Variants in RALGPS2 observed in about 807,000 individuals in gnomAD.
RALGPS2 encodes ras-specific guanine nucleotide-releasing factor RalGPS2.
A neutral mutation model predicts 86.8 loss-of-function variants in RALGPS2; 43 were observed. The observed-to-expected ratio is 0.50, with a 90% confidence interval of 0.39 to 0.64. The LOEUF is 0.64. Ranked by LOEUF, RALGPS2 falls within the 30% of genes least tolerant of loss-of-function variation. RALGPS2 has a pLI of 0.00. For missense variants in RALGPS2, 536 were observed against 694.6 expected (o/e 0.77, Z 2.57); for synonymous variants, 243 against 231.3 (o/e 1.05, Z -0.46).
At chr1:178,822,944 C>T (rs112117034) in intron 7 of RALGPS2, among the ~76,000 whole-genome samples, 3,774 of 152,236 alleles carry the variant, frequency 0.025, 153 homozygotes, top group African/African-American at 0.086. Flanking sequence ...CTCAGCCTCC[C>T]AAGTAACTGG....
chr1:178,889,026 G>GT (rs1659608856), intron 13 of RALGPS2, among the ~76,000 whole-genome samples: 1 of 151,816 alleles, frequency 6.6e-6, no homozygotes, highest in Admixed American at 6.6e-5. Context: ...ATTCCCCATA[G>GT]TTTTTTTGTT....
intron 14 of RALGPS2, 52 bp downstream of exon 14, chr1:178,889,748 A>C (rs750139366): frequency 7.8e-7 from 1 of 1,278,184 alleles, no homozygotes; most frequent in South Asian, 1.3e-5. Context: ...GTCTGGGTTA[A>C]ATAATATAAT....
intron 8 of RALGPS2, among the ~76,000 whole-genome samples, chr1:178,852,334 G>A (rs1657226358): frequency 6.6e-6 from 1 of 152,148 alleles, no homozygotes; most frequent in Non-Finnish European, 1.5e-5. Context: ...CGGGAACTTT[G>A]TTCACTGTTA....
At chr1:178,753,347 A>G (rs1651779642) in intron 1 of RALGPS2, among the ~76,000 whole-genome samples, 1 of 152,174 alleles carries the variant, frequency 6.6e-6, no homozygotes, top group Non-Finnish European at 1.5e-5. Flanking sequence ...GGGGTGGGAC[A>G]TGGGCCCTGA....
At position 178,765,440 on chromosome 1, in the gene RALGPS2, G is replaced by A. The variant is rs576022880; in HGVS notation, c.-83-11242G>A. ...ATTTTCAAAAGGGGAGGGAGTGTAC[G>A]AATAAGGTGTGGGTCACAGAGATCA... On this transcript the variant is annotated intron_variant, in intron 1 of 19. Transcript: ENST00000367635. Among the ~76,000 whole-genome samples, 50 of 152,220 alleles carry A rather than the reference G, an allele frequency of 3.3e-4. 1 individual carries two copies. The highest frequency in any genetic ancestry group is 4.8e-5 in the African/African-American group (2 of 41,548).
intron 4 of RALGPS2, among the ~76,000 whole-genome samples, chr1:178,804,222 C>T (rs1654621789): frequency 6.7e-6 from 1 of 150,350 alleles, no homozygotes; most frequent in African/African-American, 2.4e-5. Context: ...CCTGGAGCTC[C>T]ACTCCCACCC....
chr1:178,873,567 T>C (rs1658863915), intron 8 of RALGPS2, among the ~76,000 whole-genome samples: 1 of 152,208 alleles, frequency 6.6e-6, no homozygotes, highest in Non-Finnish European at 1.5e-5. Flanking sequence ...TGAATATTAA[T>C]ATACTTTAGC....
chr1:178,829,161 A>G (rs1192325036), intron 7 of RALGPS2, among the ~76,000 whole-genome samples: 1 of 152,248 alleles, frequency 6.6e-6, no homozygotes, highest in East Asian at 1.9e-4. Flanking sequence ...CAGAAAGACA[A>G]ATGCTACTGC....
intron 7 of RALGPS2, among the ~76,000 whole-genome samples, chr1:178,825,158 A>G (rs1038511596): frequency 1.3e-5 from 2 of 152,164 alleles, no homozygotes; most frequent in Non-Finnish European, 2.9e-5. Context: ...AGAGTTATGT[A>G]TTCTCCAGCC....
chr1:178,855,399 T>C (rs924782539), intron 8 of RALGPS2, among the ~76,000 whole-genome samples: 1 of 151,868 alleles, frequency 6.6e-6, no homozygotes, highest in Non-Finnish European at 1.5e-5. Flanking sequence ...ACAAGGAAAT[T>C]GAAAAGTACA....
At chr1:178,869,106 A>ATACT (rs1658591725) in intron 8 of RALGPS2, 1 of 152,100 alleles carries the variant, frequency 6.6e-6, no homozygotes, top group Non-Finnish European at 1.5e-5. Flanking sequence ...TAGTTATAGA[A>ATACT]TACTTACGTT....
chr1:178,811,266 T>C (rs1315521866), intron 5 of RALGPS2, 49 bp from the exon 6 acceptor site: 1 of 1,415,926 alleles, frequency 7.1e-7, no homozygotes. Context: ...GCAAAAAAAC[T>C]TACAAATTAA....
intron 8 of RALGPS2, among the ~76,000 whole-genome samples, chr1:178,857,443 G>A (rs1211215179): frequency 2.6e-5 from 4 of 152,102 alleles, no homozygotes; most frequent in Non-Finnish European, 4.4e-5. Context: ...CAAGTGGGGG[G>A]TGGGAGAAGT....
At chr1:178,788,379 C>T (rs765209171) in intron 4 of RALGPS2, among the ~76,000 whole-genome samples, 7 of 152,138 alleles carry the variant, frequency 4.6e-5, no homozygotes, top group Non-Finnish European at 8.8e-5. Context: ...AATTCCTGCC[C>T]TCATGGATCT....
chr1:178,865,131 C>G lies in RALGPS2; in HGVS notation c.608-12367C>G, dbSNP rs574769809. On this transcript the variant is annotated intron_variant, in intron 8 of 19. Coordinates refer to ENST00000367635, the MANE Select transcript of RALGPS2 (RefSeq NM_152663.5). ...GGAATATGTTGTGGCACCACCTGGA[C>G]AAGTGGGGGAGACACATGGGTGTCT... The G allele has an allele frequency of 5.6e-5, 89 of 1,591,076 alleles. 1 individual carries two copies. The South Asian group carries it at 1.0e-3, about 18-fold the overall frequency.
At position 178,919,357 on chromosome 1, in the gene RALGPS2, A is replaced by T. The variant is rs985409065; in HGVS notation, c.*2998A>T. 4 of 151,954 alleles carry T rather than the reference A, an allele frequency of 2.6e-5. No individual in the cohort carries two copies. The highest frequency in any genetic ancestry group is 9.7e-5 in the African/African-American group (4 of 41,402). 9.4% of individuals were successfully genotyped at this position (151,954 alleles called of 1,614,324 possible). On this transcript the variant is annotated 3_prime_UTR_variant, in exon 20 of 20. Transcript: ENST00000367635. ...GAAAATGCCATGTAACTATTGCACTACCTTCTGTGTGGACTGTGTTGGTAT... is the reference window on the plus strand; with the variant it reads ...GAAAATGCCATGTAACTATTGCACTTCCTTCTGTGTGGACTGTGTTGGTAT...
At chr1:178,779,391 A>G (rs1653268774) in intron 2 of RALGPS2, among the ~76,000 whole-genome samples, 1 of 152,136 alleles carries the variant, frequency 6.6e-6, no homozygotes, top group African/African-American at 2.4e-5. Flanking sequence ...AATAATGTTT[A>G]TGACCCTTTA....
At chr1:178,905,160 G>T (rs1378759871) in intron 18 of RALGPS2, among the ~76,000 whole-genome samples, 1 of 151,976 alleles carries the variant, frequency 6.6e-6, no homozygotes, top group Non-Finnish European at 1.5e-5. Flanking sequence ...TTCTCTGTTT[G>T]GTCATTGTTG....
chr1:178,897,412 C>T (rs1659996725), intron 16 of RALGPS2, among the ~76,000 whole-genome samples: 1 of 151,970 alleles, frequency 6.6e-6, no homozygotes, highest in East Asian at 1.9e-4. Context: ...GTTGAGTTTG[C>T]CTTTAGATAG....
Sources: allele counts gnomAD v4.1 joint callset (sites outside exome capture counted in the v4.1 genomes callset), GRCh38; gene constraint gnomAD v4.1.1; transcripts MANE v1.5; gene names NCBI Gene and HGNC (gene_info 2026-07-23, HGNC 2026-07-21).